Variants in DMD observed in about 807,000 individuals in gnomAD.
DMD encodes the protein mutant dystrophin.
Under a neutral mutation model 330.1 loss-of-function variants are expected in DMD, and 63 were observed. The ratio of observed to expected loss-of-function variants is 0.19; its 90% confidence interval spans 0.16 to 0.24. The LOEUF is 0.24. Among genes scored for constraint, DMD ranks in the 10% least tolerant of loss-of-function variants. The pLI is 1.00. For synonymous variants in DMD, 1,223 were observed against 959.8 expected (o/e 1.27, Z -5.07); for missense variants, 3,344 against 2,684.1 (o/e 1.25, Z -5.43).
chrX:31,373,969 G>T (rs772943802), intron 60 of DMD, among the ~76,000 whole-genome samples: 30 of 108,201 alleles, frequency 2.8e-4, no homozygotes, highest in East Asian at 8.7e-4. Flanking sequence ...TCAAACAAAT[G>T]TACAAGAAAA....
chrX:31,301,506 T>C (rs2054638449), intron 62 of DMD, among the ~76,000 whole-genome samples: 1 of 111,018 alleles, frequency 9.0e-6, no homozygotes, highest in Admixed American at 9.5e-5. Context: ...CTACATACTC[T>C]CAAATAACTA....
At chrX:32,721,284 A>C (rs2066282184) in intron 7 of DMD, among the ~76,000 whole-genome samples, 1 of 110,799 alleles carries the variant, frequency 9.0e-6, no homozygotes, top group African/African-American at 3.3e-5. Context: ...ACACTCCCAG[A>C]CAATTTTCCA....
chrX:32,009,067 A>G (rs1389758821), intron 44 of DMD, among the ~76,000 whole-genome samples: 1 of 111,301 alleles, frequency 9.0e-6, no homozygotes, highest in Non-Finnish European at 1.9e-5. Context: ...TAATGGGGAG[A>G]TGGGAAGGAA....
intron 7 of DMD, among the ~76,000 whole-genome samples, chrX:32,783,036 A>T (rs1569520422): frequency 9.7e-6 from 1 of 103,039 alleles, no homozygotes; most frequent in African/African-American, 3.6e-5. Flanking sequence ...TGGTGTGTTT[A>T]TATATATACA....
At chrX:32,481,526 C>T (rs1290182622) in intron 21 of DMD, among the ~76,000 whole-genome samples, 1 of 111,954 alleles carries the variant, frequency 8.9e-6, no homozygotes, top group Non-Finnish European at 1.9e-5. Flanking sequence ...CTACCCTCAT[C>T]TTGTCCTAAT....
intron 50 of DMD, among the ~76,000 whole-genome samples, chrX:31,792,539 T>C (rs1438497369): frequency 1.8e-5 from 2 of 112,741 alleles, no homozygotes; most frequent in African/African-American, 6.4e-5. Flanking sequence ...ATAGCTTTCA[T>C]TTAAGTATTA....
intron 1 of DMD, among the ~76,000 whole-genome samples, chrX:33,169,243 C>T (rs947098021): frequency 1.8e-5 from 2 of 111,658 alleles, no homozygotes; most frequent in Admixed American, 9.5e-5. Context: ...TTACTAGACA[C>T]GAAGGCCTCT....
At chrX:32,465,584 T>TGTTTG (rs202098862) in intron 23 of DMD, among the ~76,000 whole-genome samples, 36 of 76,356 alleles carry the variant, frequency 4.7e-4, no homozygotes, top group South Asian at 1.3e-3. Context: ...TGTTTTTTGT[T>TGTTTG]TTTTTTTTTT....
chrX:32,161,211 A>G (rs1468438427), intron 44 of DMD, among the ~76,000 whole-genome samples: 1 of 112,157 alleles, frequency 8.9e-6, no homozygotes, highest in African/African-American at 3.2e-5. Flanking sequence ...ATGTAGCTAA[A>G]GATAAAGTCA....
At chrX:32,238,726 C>T (rs1385656145) in intron 43 of DMD, among the ~76,000 whole-genome samples, 2 of 111,836 alleles carry the variant, frequency 1.8e-5, no homozygotes, top group Non-Finnish European at 3.8e-5. Context: ...GGAAGTGTTC[C>T]TTTCTGCTAT....
At chrX:31,160,887 T>C (rs1456545290) in intron 74 of DMD, among the ~76,000 whole-genome samples, 1 of 111,769 alleles carries the variant, frequency 8.9e-6, no homozygotes. Context: ...GGATTTGTTA[T>C]AAAAATGTTG....
At chrX:32,485,668 T>G (rs1466447483) in intron 20 of DMD, among the ~76,000 whole-genome samples, 1 of 104,066 alleles carries the variant, frequency 9.6e-6, no homozygotes, top group Non-Finnish European at 2.0e-5. Context: ...AATATAAAAA[T>G]ATATCTATAA....
intron 12 of DMD, among the ~76,000 whole-genome samples, chrX:32,606,413 GT>G (rs1365511008): frequency 2.7e-5 from 3 of 109,159 alleles, no homozygotes; most frequent in Non-Finnish European, 3.9e-5. Context: ...AACAACAGGT[GT>G]TGGCAAGGAT....
intron 7 of DMD, among the ~76,000 whole-genome samples, chrX:32,715,637 TA>T (rs2065639036): frequency 9.2e-6 from 1 of 108,652 alleles, no homozygotes. Flanking sequence ...CCATCTCTAC[TA>T]AAAATGCAAA....
At chrX:32,268,388 CAA>C (rs2097352503) in intron 43 of DMD, among the ~76,000 whole-genome samples, 1 of 111,902 alleles carries the variant, frequency 8.9e-6, no homozygotes, top group East Asian at 2.8e-4. Flanking sequence ...AAGTGACTAA[CAA>C]GAGTTGAAAT....
chrX:31,564,939 A>C (rs2075387285), intron 55 of DMD, among the ~76,000 whole-genome samples: 1 of 112,409 alleles, frequency 8.9e-6, no homozygotes, highest in African/African-American at 3.2e-5. Context: ...GACTTAGGTG[A>C]AGCATGAAAG....
intron 5 of DMD, among the ~76,000 whole-genome samples, chrX:32,818,629 T>C (rs1055300443): frequency 1.8e-5 from 2 of 111,898 alleles, no homozygotes; most frequent in African/African-American, 6.5e-5. Flanking sequence ...CAGTGATTTT[T>C]AAAAATGACT....
chrX:31,505,663 T>G (rs1027611424), intron 56 of DMD, among the ~76,000 whole-genome samples: 1 of 111,008 alleles, frequency 9.0e-6, no homozygotes, highest in Admixed American at 9.5e-5. Flanking sequence ...AGACAGAGTC[T>G]CACTCTGTCC....
chrX:32,778,908 G>C (rs747291754), intron 7 of DMD, among the ~76,000 whole-genome samples: 12 of 111,173 alleles, frequency 1.1e-4, no homozygotes, highest in Admixed American at 7.7e-4. Context: ...TAGGGATTTC[G>C]ACATGAGTAT....
Sources: allele counts gnomAD v4.1 joint callset (sites outside exome capture counted in the v4.1 genomes callset), GRCh38; gene constraint gnomAD v4.1.1; transcripts MANE v1.5; gene names NCBI Gene and HGNC (gene_info 2026-07-23, HGNC 2026-07-21).